The following FRMPD1 variants were observed in gnomAD, a reference collection of about 807,000 sequenced individuals.
FRMPD1 encodes the protein FERM and PDZ domain containing 1.
FRMPD1 carries 76 observed loss-of-function variants against 117.8 expected under a neutral mutation model. The observed-to-expected ratio is 0.65, with a 90% confidence interval of 0.54 to 0.78. The LOEUF is 0.78. Ranked by LOEUF, FRMPD1 falls within the 30% of genes least tolerant of loss-of-function variation. The pLI, the probability that FRMPD1 is intolerant of heterozygous loss-of-function variation, is 0.00. For missense variants in FRMPD1, 1,786 were observed against 1,964.5 expected (o/e 0.91, Z 1.72); for synonymous variants, 783 against 770.4 (o/e 1.02, Z -0.27).
At chr9:37,712,636 G>A (rs751163827) in intron 5 of FRMPD1, among the ~76,000 whole-genome samples, 5 of 152,248 alleles carry the variant, frequency 3.3e-5, no homozygotes, top group South Asian at 2.1e-4. Flanking sequence ...GATTACAGGC[G>A]TCATCCACCA....
intron 13 of FRMPD1, among the ~76,000 whole-genome samples, chr9:37,736,533 A>G (rs961452744): frequency 9.7e-5 from 9 of 93,134 alleles, no homozygotes. Flanking sequence ...CTCTGTCTCA[A>G]AAAAAAAAAA....
chr9:37,649,515 A>G (rs559526870), upstream of FRMPD1, among the ~76,000 whole-genome samples: 2 of 152,298 alleles, frequency 1.3e-5, no homozygotes, highest in Admixed American at 1.3e-4. Context: ...GCAATTACGT[A>G]GGAGGTCTTT....
At chr9:37,647,689 G>A (rs1033350669), upstream of FRMPD1, among the ~76,000 whole-genome samples, 2 of 152,112 alleles carry the variant, frequency 1.3e-5, no homozygotes, top group Non-Finnish European at 2.9e-5. Context: ...GAAGACAGAC[G>A]TGTAAACAAA....
the FRMPD1 span, among the ~76,000 whole-genome samples, chr9:37,622,355 A>C: frequency 6.2e-4 from 94 of 152,358 alleles, 2 homozygotes; most frequent in East Asian, 9.6e-3. Flanking sequence ...AACTCTTAAA[A>C]TGTTCGTTAC....
In FRMPD1 at chr9:37,680,598, G is replaced by C. The variant is rs572245121; in HGVS notation, c.-4-12040G>C. On this transcript the variant is annotated intron_variant, in intron 1 of 15. Coordinates refer to ENST00000377765, the MANE Select transcript of FRMPD1 (RefSeq NM_014907.3). ...CATCATTTGGGGAATGCCACCCTGG[G>C]GTGATGGGGGTCCAGGGTGCTTTCC... Among the ~76,000 whole-genome samples, 3 of 152,232 alleles carry C rather than the reference G, an allele frequency of 2.0e-5. No homozygotes were observed. In the East Asian group the frequency reaches 5.8e-4, roughly 29 times the overall value.
chr9:37,605,740 G>A, the FRMPD1 span, among the ~76,000 whole-genome samples: 8 of 150,728 alleles, frequency 5.3e-5, no homozygotes, highest in East Asian at 1.6e-3. Flanking sequence ...ACTGAGACAA[G>A]GTCTCACTCT....
chr9:37,611,597 G>A, the FRMPD1 span, among the ~76,000 whole-genome samples: 1 of 152,124 alleles, frequency 6.6e-6, no homozygotes, highest in Admixed American at 6.5e-5. Flanking sequence ...TTGCCCAAGT[G>A]TATATTGGTT....
At position 37,732,360 on chromosome 9, in the gene FRMPD1, A is replaced by G; in HGVS notation, c.915A>G (p.Ala305=). The G allele has an allele frequency of 6.2e-7, 1 of 1,613,832 alleles. No homozygotes were observed. The highest frequency in any genetic ancestry group is 8.5e-7 in the Non-Finnish European group (1 of 1,179,958). ...RFAVEMKCSS[A]LRLAALHIQE... ...CTGTAGAAATGAAATGTAGCTCTGC[A>G]CTCCGACTCGCGGCTCTGCACATCC... The change falls in exon 10 of 16, where the codon GCA becomes GCG. Residue 305 remains alanine (A), a synonymous_variant. Transcript: ENST00000377765.
At chr9:37,633,031 A>T in the FRMPD1 span, among the ~76,000 whole-genome samples, 27,489 of 145,638 alleles carry the variant, frequency 0.19, 2,956 homozygotes, top group African/African-American at 0.25. Flanking sequence ...ATATATATAT[A>T]TTTTTCTTTT....
rs59852335 is a variant in FRMPD1, at chr9:37,717,341, A to ATGTGTGTGTGTGTGTG, written c.409-1714_409-1699dup. Among the ~76,000 whole-genome samples, 912 of 120,128 alleles carry ATGTGTGTGTGTGTGTG rather than the reference A, an allele frequency of 7.6e-3. 16 individuals carry two copies. Among genetic ancestry groups the ATGTGTGTGTGTGTGTG allele is most frequent in the African/African-American group, 0.026 (852 of 32,162 alleles). 78.8% of individuals were successfully genotyped at this position (120,128 alleles called of 152,430 possible). On this transcript the variant is annotated intron_variant, in intron 5 of 15. Transcript: ENST00000377765. ...TATGTGTGTGTGTGTATGTGTATATATGTGTGTGTGTGTGTGTGTGTGTGT... is the reference window on the plus strand; with the variant it reads ...TATGTGTGTGTGTGTATGTGTATATATGTGTGTGTGTGTGTGTGTGTGTGTGTGTGTGTGTGTGTGT...
intron 6 of FRMPD1, among the ~76,000 whole-genome samples, chr9:37,720,293 A>G (rs1251112768): frequency 6.6e-6 from 1 of 152,232 alleles, no homozygotes; most frequent in Non-Finnish European, 1.5e-5. Context: ...AATTAAGTTT[A>G]GATTCTGCTG....
chr9:37,709,969 T>C (rs1472255335), intron 4 of FRMPD1, among the ~76,000 whole-genome samples: 3 of 152,240 alleles, frequency 2.0e-5, no homozygotes, highest in Non-Finnish European at 4.4e-5. Context: ...GTCTTTTGCA[T>C]GTGAGAATCC....
chr9:37,613,612 G>C, the FRMPD1 span, among the ~76,000 whole-genome samples: 1 of 152,148 alleles, frequency 6.6e-6, no homozygotes, highest in East Asian at 1.9e-4. Context: ...TGAAGACAGG[G>C]TAGTCAACCA....
chr9:37,708,989 C>T (rs1269002767), intron 4 of FRMPD1, among the ~76,000 whole-genome samples: 1 of 152,128 alleles, frequency 6.6e-6, no homozygotes. Flanking sequence ...AACCTTCTGT[C>T]TGGTGTCATT....
chr9:37,670,820 T>G lies in FRMPD1; in HGVS notation c.-5+19726T>G, dbSNP rs145123850. 2.5e-4 allele frequency among the ~76,000 whole-genome samples: 38 copies of G among 152,312 alleles called. No homozygotes were observed. The East Asian group carries it at 6.4e-3, about 25-fold the overall frequency. On this transcript the variant is annotated intron_variant, in intron 1 of 15. Coordinates refer to ENST00000377765, the MANE Select transcript of FRMPD1 (RefSeq NM_014907.3). The stretch of plus-strand genomic sequence containing the variant: ...TTATTTTGTAACTGCTTTGCAGCAG[T>G]TTGTTGATAGATTGAAAAATTGTCT...
chr9:37,703,697 A>G (rs1402137865), intron 2 of FRMPD1, among the ~76,000 whole-genome samples: 1 of 150,566 alleles, frequency 6.6e-6, no homozygotes, highest in Non-Finnish European at 1.5e-5. Context: ...AACCTCCCAA[A>G]CCTCCCTCCC....
intron 5 of FRMPD1, among the ~76,000 whole-genome samples, chr9:37,713,723 A>G (rs1443867098): frequency 1.3e-5 from 2 of 152,120 alleles, no homozygotes; most frequent in African/African-American, 4.8e-5. Flanking sequence ...ATAGCATTCC[A>G]AATCTGTGGG....
chr9:37,732,618 G>A (rs1258692647), intron 10 of FRMPD1, among the ~76,000 whole-genome samples, 178 bp downstream of exon 10: 1 of 152,208 alleles, frequency 6.6e-6, no homozygotes, highest in African/African-American at 2.4e-5. Context: ...GTCTGAACCT[G>A]GCTGCTCTCT....
At chr9:37,683,692 G>A (rs1821811953) in intron 1 of FRMPD1, among the ~76,000 whole-genome samples, 2 of 151,858 alleles carry the variant, frequency 1.3e-5, no homozygotes, top group Non-Finnish European at 2.9e-5. Flanking sequence ...GGTAGGCAGG[G>A]CCAGATCACA....
Sources: allele counts gnomAD v4.1 joint callset (sites outside exome capture counted in the v4.1 genomes callset), GRCh38; gene constraint gnomAD v4.1.1; transcripts MANE v1.5; gene names NCBI Gene and HGNC (gene_info 2026-07-23, HGNC 2026-07-21).